PTGER2: variants seen among roughly 807,000 people sequenced by gnomAD.
PTGER2 encodes prostaglandin E receptor 2, also known as prostaglandin E2 receptor EP2 subtype.
Under a neutral mutation model 26.2 loss-of-function variants are expected in PTGER2, and 22 were observed. That is an observed-to-expected ratio of 0.84 (90% CI 0.60 to 1.20). The LOEUF (loss-of-function observed/expected upper bound fraction) is 1.20. PTGER2 is among the 50% of genes most tolerant of loss of function. PTGER2 has a pLI of 0.00. For missense variants in PTGER2, 458 were observed against 475.2 expected (o/e 0.96, Z 0.34); for synonymous variants, 219 against 208.9 (o/e 1.05, Z -0.42).
At chr14:52,322,597 G>C (rs1418299196) in intron 1 of PTGER2, among the ~76,000 whole-genome samples, 1 of 151,984 alleles carries the variant, frequency 6.6e-6, no homozygotes, top group African/African-American at 2.4e-5. Flanking sequence ...ACCAGGGTGG[G>C]TTTTTTTCCC....
intron 1 of PTGER2, among the ~76,000 whole-genome samples, chr14:52,316,427 G>A (rs1404739333): frequency 6.6e-6 from 1 of 152,152 alleles, no homozygotes; most frequent in Admixed American, 6.5e-5. Flanking sequence ...CTCTTACGGG[G>A]GCTAGGAATT....
rs2033818017 is a variant in PTGER2, at chr14:52,314,866, C to T, written c.318C>T (p.Ser106=). 6.2e-7 allele frequency: 1 copy of T among 1,612,990 alleles called. No individual in the cohort carries two copies. The highest frequency in any genetic ancestry group is 8.5e-7 in the Non-Finnish European group (1 of 1,180,002). ...NQTLVALAPE[S]RACTYFAFAM... is the part of the protein sequence containing the mutation. ...CCCTGGTGGCACTGGCGCCCGAGAG[C>T]CGCGCGTGCACCTACTTCGCTTTCG... The change falls in exon 1 of 2, where the codon AGC becomes AGT. Residue 106 remains serine (S), a synonymous_variant. Coordinates refer to ENST00000245457, the MANE Select transcript of PTGER2 (RefSeq NM_000956.4). This position sits in a 1 kb window ranked among gnomAD's most constrained non-coding sequence, Gnocchi z 5.7.
intron 1 of PTGER2, among the ~76,000 whole-genome samples, chr14:52,319,642 C>A (rs950281726): frequency 6.6e-6 from 1 of 152,200 alleles, no homozygotes; most frequent in East Asian, 1.9e-4. Context: ...ATATATGAGA[C>A]CTCTATTCTT....
In PTGER2 at chr14:52,314,479, C is replaced by G; in HGVS notation, c.-70C>G. On this transcript the variant is annotated 5_prime_UTR_variant, in exon 1 of 2. Transcript: ENST00000245457. This position sits in a 1 kb window ranked among gnomAD's most constrained non-coding sequence, Gnocchi z 5.7. ...TCCTCTGAGTCTCGGAACGCTCCGG[C>G]TCTCAGACCCTCTTCCTCCCAGGTA... The G allele has an allele frequency of 7.2e-7, 1 of 1,388,418 alleles. No individual in the cohort carries two copies. Among genetic ancestry groups the G allele is most frequent in the Non-Finnish European group, 9.4e-7 (1 of 1,065,812 alleles). 86.0% of individuals were successfully genotyped at this position (1,388,418 alleles called of 1,614,324 possible).
In PTGER2 at chr14:52,327,338, C is replaced by T; in HGVS notation, c.961C>T (p.Pro321Ser). Residue 321 changes from proline (P) to serine (S), a missense_variant, in exon 2 of 2, where the codon CCT becomes TCT. Physicochemically the swap from Pro to Ser is moderately conservative, Grantham distance 74. Transcript: ENST00000245457. The part of the protein sequence containing the change: ...DPWVFAILRP[P>S]VLRLMRSVLC... ...TTGGGTCTTTGCCATCCTTAGGCCT[C>T]CTGTTCTGAGACTAATGCGTTCAGT... The T allele has an allele frequency of 6.2e-7, 1 of 1,612,976 alleles. No individual in the cohort carries two copies. The highest frequency in any genetic ancestry group is 8.5e-7 in the Non-Finnish European group (1 of 1,179,004).
At chr14:52,322,670 G>A (rs951516599) in intron 1 of PTGER2, among the ~76,000 whole-genome samples, 16 of 152,134 alleles carry the variant, frequency 1.1e-4, no homozygotes, top group Admixed American at 3.9e-4. Flanking sequence ...TATCTCAACC[G>A]CATAAGACAG....
Position 52,315,181 on chromosome 14 carries a change from G to A in PTGER2, c.633G>A (p.Val211=), listed in dbSNP as rs1458887076. 11 of 1,608,316 alleles carry A rather than the reference G, an allele frequency of 6.8e-6. No individual in the cohort carries two copies. The highest frequency in any genetic ancestry group is 9.3e-6 in the Non-Finnish European group (11 of 1,179,986). The change falls in exon 1 of 2, where the codon GTG becomes GTA. Residue 211 remains valine (V), a synonymous_variant. Transcript: ENST00000245457. The part of the protein sequence containing the change: ...ATLLLLLIVS[V]LACNFSVILN... ...TGCTGCTGCTTCTCATTGTCTCGGT[G>A]CTCGCCTGCAACTTCAGTGTCATTC...
chr14:52,322,954 A>G (rs1465825136), intron 1 of PTGER2, among the ~76,000 whole-genome samples: 2 of 152,160 alleles, frequency 1.3e-5, no homozygotes, highest in African/African-American at 4.8e-5. Context: ...GTTCAAACAC[A>G]TATGTTTTAC....
chr14:52,324,655 A>G, intron 1 of PTGER2, among the ~76,000 whole-genome samples: 1 of 152,260 alleles, frequency 6.6e-6, no homozygotes, highest in East Asian at 1.9e-4. Flanking sequence ...ATAGCTGAAA[A>G]TGGCAAAATG....
chr14:52,327,257 G>A lies in PTGER2; in HGVS notation c.880G>A (p.Glu294Lys). Residue 294 changes from glutamate (E) to lysine (K), a missense_variant, in exon 2 of 2, where the codon GAA becomes AAA. Physicochemically the swap from Glu to Lys is moderately conservative, Grantham distance 56 (BLOSUM62 1). Coordinates refer to ENST00000245457, the MANE Select transcript of PTGER2 (RefSeq NM_000956.4). ...TATGAATGAAACCTCTTCCCGAAAG[G>A]AAAAATGGGACCTCCAAGCTCTTAG... ...AYMNETSSRK[E>K]KWDLQALRFL... is the part of the protein sequence containing the mutation. 1.9e-6 allele frequency: 3 copies of A among 1,612,458 alleles called. No homozygotes were observed. The highest frequency in any genetic ancestry group is 2.5e-6 in the Non-Finnish European group (3 of 1,178,940).
chr14:52,318,352 T>C (rs926131263), intron 1 of PTGER2, among the ~76,000 whole-genome samples: 10 of 152,200 alleles, frequency 6.6e-5, no homozygotes, highest in African/African-American at 2.4e-4. Flanking sequence ...TTTTAAATGT[T>C]CTAGTAGTCA....
rs1265519374 is a variant in PTGER2 at position 52,314,855 on chromosome 14, G to C, written c.307G>C (p.Ala103Pro). 6.2e-7 allele frequency: 1 copy of C among 1,612,974 alleles called. No individual in the cohort carries two copies. The highest frequency in any genetic ancestry group is 8.5e-7 in the Non-Finnish European group (1 of 1,179,992). Reference protein sequence around the residue: ...YARNQTLVALAPESRACTYFA... With the variant: ...YARNQTLVALPPESRACTYFA... ...GCGGAACCAGACCCTGGTGGCACTG[G>C]CGCCCGAGAGCCGCGCGTGCACCTA... Residue 103 changes from alanine (A) to proline (P), a missense_variant, in exon 1 of 2, where the codon GCG (alanine) becomes CCG (proline). Coordinates refer to ENST00000245457, the MANE Select transcript of PTGER2 (RefSeq NM_000956.4). The surrounding 1 kb of genome is among the most constrained non-coding windows in gnomAD (Gnocchi z 5.7).
At position 52,314,653 on chromosome 14, in the gene PTGER2, G is replaced by T. The variant is rs2033813894; in HGVS notation, c.105G>T (p.Gly35=). The T allele has an allele frequency of 6.6e-7, 1 of 1,517,068 alleles. No individual in the cohort carries two copies. 94.0% of individuals were successfully genotyped at this position (1,517,068 alleles called of 1,614,324 possible). The change falls in exon 1 of 2, where the codon GGG becomes GGT. Residue 35 remains glycine, a synonymous_variant. Transcript: ENST00000245457. This position sits in a 1 kb window ranked among gnomAD's most constrained non-coding sequence, Gnocchi z 5.7. ...PAISSVMFSA[G]VLGNLIALAL... ...TCAGCTCCGTCATGTTCTCGGCCGG[G>T]GTGCTGGGGAACCTCATAGCACTGG...
At chr14:52,323,292 C>A (rs1196384985) in intron 1 of PTGER2, among the ~76,000 whole-genome samples, 1 of 151,952 alleles carries the variant, frequency 6.6e-6, no homozygotes, top group Non-Finnish European at 1.5e-5. Flanking sequence ...CTCACTCTGT[C>A]ACCCAGGCTG....
chr14:52,326,018 A>G (rs2033946060), intron 1 of PTGER2, among the ~76,000 whole-genome samples: 1 of 152,168 alleles, frequency 6.6e-6, no homozygotes, highest in Non-Finnish European at 1.5e-5. Flanking sequence ...CTTATAAAGC[A>G]CTGGTTTTAA....
chr14:52,319,102 A>C (rs556121097), intron 1 of PTGER2, among the ~76,000 whole-genome samples: 1 of 152,368 alleles, frequency 6.6e-6, no homozygotes, highest in Admixed American at 6.5e-5. Flanking sequence ...TTCAGGGGTA[A>C]CAGATGAGAA....
Position 52,327,605 on chromosome 14 carries a change from A to G in PTGER2, c.*151A>G. ...ATTTAAGCTGTGGTCAAGGCTACAG[A>G]TGTGCTGACAAGGCACTTCATGTAA... On this transcript the variant is annotated 3_prime_UTR_variant, in exon 2 of 2. Transcript: ENST00000245457. 1.5e-6 allele frequency: 1 copy of G among 657,878 alleles called. No individual in the cohort carries two copies. Among genetic ancestry groups the G allele is most frequent in the Non-Finnish European group, 2.5e-6 (1 of 397,598 alleles). 40.8% of individuals were successfully genotyped at this position (657,878 alleles called of 1,614,324 possible).
rs1312429551 is a variant in PTGER2 at position 52,314,964 on chromosome 14, G to C, written c.416G>C (p.Gly139Ala). The C allele has an allele frequency of 6.2e-7, 1 of 1,613,086 alleles. No individual in the cohort carries two copies. Among genetic ancestry groups the C allele is most frequent in the Non-Finnish European group, 8.5e-7 (1 of 1,179,976 alleles). ...AMALERYLSIGHPYFYQRRVS... is the reference protein window; with the variant it reads ...AMALERYLSIAHPYFYQRRVS... Reference sequence around the variant, plus strand: ...GCCCTGGAGCGCTACCTCTCGATCGGGCACCCCTACTTCTACCAGCGCCGC... The same window carrying C: ...GCCCTGGAGCGCTACCTCTCGATCGCGCACCCCTACTTCTACCAGCGCCGC... Residue 139 changes from glycine to alanine, a missense_variant, in exon 1 of 2, where the codon GGG (glycine) becomes GCG (alanine). By Grantham distance (60) the Gly-to-Ala change is moderately conservative. Coordinates refer to ENST00000245457, the MANE Select transcript of PTGER2 (RefSeq NM_000956.4). The surrounding 1 kb of genome is among the most constrained non-coding windows in gnomAD (Gnocchi z 5.7).
Position 52,327,558 on chromosome 14 carries a change from T to G in PTGER2, c.*104T>G. On this transcript the variant is annotated 3_prime_UTR_variant, in exon 2 of 2. Coordinates refer to ENST00000245457, the MANE Select transcript of PTGER2 (RefSeq NM_000956.4). ...GTGTGTAAACAAAATGAAGCTGCCC[T>G]AATAAAAAGGAGTATACAAACATTT... is the stretch of plus-strand genomic sequence containing the variant. The G allele has an allele frequency of 1.1e-6, 1 of 923,696 alleles. No homozygotes were observed. Among genetic ancestry groups the G allele is most frequent in the Non-Finnish European group, 1.6e-6 (1 of 621,290 alleles). The allele number at this position is 923,696 out of a possible 1,614,324, so 57.2% of individuals were successfully genotyped here. A position where few individuals can be genotyped will look rare whatever the true frequency, so the allele number is the denominator to read the frequency against.
Sources: allele counts gnomAD v4.1 joint callset (sites outside exome capture counted in the v4.1 genomes callset), GRCh38; gene constraint gnomAD v4.1.1; non-coding constraint Gnocchi (gnomAD v3.1); transcripts MANE v1.5; gene names NCBI Gene and HGNC (gene_info 2026-07-23, HGNC 2026-07-21).